Variants in BRINP1 observed in about 807,000 individuals in gnomAD.
The protein encoded by BRINP1 is BMP/retinoic acid inducible neural specific 1.
BRINP1 carries 17 observed loss-of-function variants against 72.9 expected under a neutral mutation model. The ratio of observed to expected loss-of-function variants is 0.23; its 90% CI spans 0.16 to 0.35. The LOEUF (loss-of-function observed/expected upper bound fraction) is 0.35, where lower values mean the gene tolerates loss of function less well. Among genes scored for constraint, BRINP1 ranks in the 10% least tolerant of loss-of-function variants. The probability of loss-of-function intolerance (pLI) is 1.00; values close to 1 mark genes in which losing one functional copy is unlikely to be tolerated. For missense variants in BRINP1, 850 were observed against 1,001.6 expected (o/e 0.85, Z 2.04); for synonymous variants, 418 against 378.5 (o/e 1.10, Z -1.21).
At chr9:119,325,743 C>A (rs1440322549) in intron 1 of BRINP1, among the ~76,000 whole-genome samples, 1 of 152,196 alleles carries the variant, frequency 6.6e-6, no homozygotes, top group African/African-American at 2.4e-5. Context: ...ATGACACTCA[C>A]CTAATCTAGC....
At chr9:119,286,581 C>A (rs1830763286) in intron 2 of BRINP1, among the ~76,000 whole-genome samples, 1 of 152,170 alleles carries the variant, frequency 6.6e-6, no homozygotes, top group Admixed American at 6.5e-5. Context: ...CATGTGTCTA[C>A]TGGGTAGTGC....
At chr9:119,327,502 C>A (rs756880756) in intron 1 of BRINP1, among the ~76,000 whole-genome samples, 4 of 152,172 alleles carry the variant, frequency 2.6e-5, no homozygotes, top group Non-Finnish European at 4.4e-5. Context: ...CCATGGGAAC[C>A]TTCTAAACAC....
chr9:119,191,127 A>C (rs1829679540), intron 7 of BRINP1, among the ~76,000 whole-genome samples: 1 of 151,928 alleles, frequency 6.6e-6, no homozygotes, highest in Admixed American at 6.6e-5. Flanking sequence ...ATAGAATAAA[A>C]GTTTGTCAAT....
At chr9:119,252,110 C>G (rs182474954) in intron 2 of BRINP1, among the ~76,000 whole-genome samples, 10 of 152,262 alleles carry the variant, frequency 6.6e-5, no homozygotes, top group Non-Finnish European at 1.3e-4. Flanking sequence ...CCCTCTCACT[C>G]GCTGCCATGC....
intron 5 of BRINP1, among the ~76,000 whole-genome samples, chr9:119,238,006 A>G (rs1266512870): frequency 1.3e-5 from 2 of 152,166 alleles, no homozygotes; most frequent in Admixed American, 1.3e-4. Context: ...CACCCATTCC[A>G]TCAGAAACCT....
chr9:119,312,903 C>G (rs1831082951), intron 2 of BRINP1, among the ~76,000 whole-genome samples: 1 of 152,120 alleles, frequency 6.6e-6, no homozygotes, highest in South Asian at 2.1e-4. Context: ...ACGTATTAAG[C>G]CCCCTGCCCA....
At chr9:119,320,348 G>A (rs1199990217) in intron 1 of BRINP1, among the ~76,000 whole-genome samples, 1 of 152,196 alleles carries the variant, frequency 6.6e-6, no homozygotes, top group East Asian at 1.9e-4. Context: ...AAGCATTGTG[G>A]ATGGTCAATA....
intron 7 of BRINP1, among the ~76,000 whole-genome samples, chr9:119,189,483 T>C (rs1829660996): frequency 6.6e-6 from 1 of 152,124 alleles, no homozygotes; most frequent in South Asian, 2.1e-4. Flanking sequence ...AAGACATTTC[T>C]TGCAAATAGT....
At chr9:119,196,899 G>A (rs1344634732) in intron 7 of BRINP1, among the ~76,000 whole-genome samples, 2 of 152,174 alleles carry the variant, frequency 1.3e-5, no homozygotes, top group Non-Finnish European at 2.9e-5. Context: ...TTTCTTGAAT[G>A]GAAAATCATT....
chr9:119,214,096 A>G lies in BRINP1; in HGVS notation c.745T>C (p.Tyr249His). ...QEKFVQSALS[Y>H]IMCNGEGEYL... is the part of the protein sequence containing the mutation. ...TCCCCCTCCCCATTGCACATGATATAGCTCAAGGCCGACTGGACAAACTTC... is the reference window on the plus strand; with the variant it reads ...TCCCCCTCCCCATTGCACATGATATGGCTCAAGGCCGACTGGACAAACTTC... The change falls in exon 6 of 8, where the codon TAT becomes CAT. Residue 249 changes from tyrosine (Y) to histidine (H), a missense_variant. Transcript: ENST00000265922. The G allele has an allele frequency of 1.2e-6, 2 of 1,614,214 alleles. No individual in the cohort carries two copies. The highest frequency in any genetic ancestry group is 1.7e-6 in the Non-Finnish European group (2 of 1,180,040).
intron 5 of BRINP1, among the ~76,000 whole-genome samples, chr9:119,229,458 G>C (rs1173847859): frequency 6.6e-6 from 1 of 152,022 alleles, no homozygotes; most frequent in Non-Finnish European, 1.5e-5. Flanking sequence ...GGTAGAACTA[G>C]TACTGGAACT....
intron 1 of BRINP1, among the ~76,000 whole-genome samples, chr9:119,333,596 G>A (rs571342229): frequency 1.1e-4 from 16 of 151,932 alleles, no homozygotes; most frequent in South Asian, 2.1e-4. Context: ...AAACGCTCCC[G>A]TATTATTTTA....
At chr9:119,338,155 T>G (rs1831366770) in intron 1 of BRINP1, among the ~76,000 whole-genome samples, 1 of 152,148 alleles carries the variant, frequency 6.6e-6, no homozygotes, top group East Asian at 1.9e-4. Flanking sequence ...CCAATGCTGC[T>G]GCTTCCTTGA....
intron 7 of BRINP1, among the ~76,000 whole-genome samples, chr9:119,180,689 C>T (rs2118837886): frequency 6.6e-6 from 1 of 152,260 alleles, no homozygotes; most frequent in South Asian, 2.1e-4. Context: ...AGCTTTTAAT[C>T]ATTACCCTCT....
chr9:119,288,365 A>G (rs1830787949), intron 2 of BRINP1, among the ~76,000 whole-genome samples: 2 of 152,152 alleles, frequency 1.3e-5, no homozygotes, highest in Non-Finnish European at 2.9e-5. Flanking sequence ...TTTTAACCAT[A>G]TCCTAAACAT....
intron 2 of BRINP1, among the ~76,000 whole-genome samples, chr9:119,283,750 C>G (rs1182853115): frequency 2.0e-5 from 3 of 152,162 alleles, no homozygotes; most frequent in Non-Finnish European, 4.4e-5. Context: ...CCAGGCTGAT[C>G]TCGAACTCCT....
At chr9:119,229,222 G>A (rs1336500200) in intron 5 of BRINP1, among the ~76,000 whole-genome samples, 2 of 152,010 alleles carry the variant, frequency 1.3e-5, no homozygotes, top group Non-Finnish European at 2.9e-5. Flanking sequence ...CTTGATATTG[G>A]CCAAGCACAT....
At chr9:119,298,781 A>C (rs1010799822) in intron 2 of BRINP1, among the ~76,000 whole-genome samples, 6 of 152,174 alleles carry the variant, frequency 3.9e-5, no homozygotes, top group African/African-American at 1.4e-4. Context: ...GTCTATCACA[A>C]CACCAGCTTT....
At chr9:119,323,116 C>T (rs1290828369) in intron 1 of BRINP1, among the ~76,000 whole-genome samples, 1 of 152,106 alleles carries the variant, frequency 6.6e-6, no homozygotes, top group African/African-American at 2.4e-5. Context: ...CAGTGCTGAG[C>T]CCTCCTTTCT....
Sources: allele counts gnomAD v4.1 joint callset (sites outside exome capture counted in the v4.1 genomes callset), GRCh38; gene constraint gnomAD v4.1.1; transcripts MANE v1.5; gene names NCBI Gene and HGNC (gene_info 2026-07-23, HGNC 2026-07-21).